Variants in NOTCH2NLB observed in about 807,000 individuals in gnomAD.
NOTCH2NLB encodes notch 2 N-terminal like B.
In NOTCH2NLB, 1 loss-of-function variant was observed where a neutral mutation model predicts 14.8. The observed-to-expected ratio is 0.07, with a 90% confidence interval of 0.02 to 0.32. The LOEUF (loss-of-function observed/expected upper bound fraction) is 0.32. Ranked by LOEUF, NOTCH2NLB falls within the 10% of genes least tolerant of loss-of-function variation. The pLI, the probability that NOTCH2NLB is intolerant of heterozygous loss-of-function variation, is 1.00. For missense variants in NOTCH2NLB, 11 were observed against 155.0 expected, an observed-to-expected ratio of 0.07 and a Z score of 4.93; for synonymous variants, 6 against 57.5, an observed-to-expected ratio of 0.10 and a Z score of 4.05.
intron 1 of NOTCH2NLB, among the ~76,000 whole-genome samples, chr1:148,649,350 C>G (rs1664440764): frequency 1.3e-5 from 1 of 74,568 alleles, no homozygotes; most frequent in Non-Finnish European, 2.7e-5. Flanking sequence ...TATTTGTGTG[C>G]TGCTTAGTGG....
downstream of NOTCH2NLB, among the ~76,000 whole-genome samples, chr1:148,605,452 C>G (rs1663483641): frequency 6.9e-6 from 1 of 144,216 alleles, no homozygotes; most frequent in African/African-American, 2.7e-5. Context: ...ACACACACAC[C>G]ATCAGTGAGT....
chr1:148,645,804 C>T (rs1423941998), intron 1 of NOTCH2NLB, among the ~76,000 whole-genome samples: 1 of 150,868 alleles, frequency 6.6e-6, no homozygotes, highest in Non-Finnish European at 1.5e-5. Flanking sequence ...CTCAATTCAG[C>T]ACTACAGGGT....
chr1:148,659,946 AG>A (rs1664608532), intron 1 of NOTCH2NLB, among the ~76,000 whole-genome samples: 1 of 141,854 alleles, frequency 7.0e-6, no homozygotes, highest in East Asian at 2.0e-4. Flanking sequence ...TCTGGAATGC[AG>A]GCTTACGGTG....
intron 1 of NOTCH2NLB, among the ~76,000 whole-genome samples, chr1:148,669,926 G>A (rs1243860870): frequency 5.6e-5 from 1 of 17,922 alleles, no homozygotes; most frequent in African/African-American, 1.6e-4. Context: ...AGCCGATTAC[G>A]TCACCCACCC....
At chr1:148,645,729 T>C (rs1664353828) in intron 1 of NOTCH2NLB, among the ~76,000 whole-genome samples, 3 of 150,462 alleles carry the variant, frequency 2.0e-5, no homozygotes, top group African/African-American at 7.3e-5. Flanking sequence ...CCCAGAAAGC[T>C]TCCCCTGGAG....
At chr1:148,658,550 C>CTTTTTTTTTTTTTTTTTTTTTTT (rs1194273075) in intron 1 of NOTCH2NLB, among the ~76,000 whole-genome samples, 1 of 38,588 alleles carries the variant, frequency 2.6e-5, no homozygotes, top group African/African-American at 9.8e-5. Context: ...CCCAATACCA[C>CTTTTTTTTTTTTTTTTTTTTTTT]TTTTTTTTTT....
intron 2 of NOTCH2NLB, among the ~76,000 whole-genome samples, chr1:148,633,552 C>CA (rs1304988810): frequency 0.13 from 3,719 of 28,400 alleles, 167 homozygotes; most frequent in East Asian, 0.38. Flanking sequence ...GACTCTGTCT[C>CA]AAAAAAAAAC....
chr1:148,608,906 ACT>A (rs1663596507), intron 3 of NOTCH2NLB, among the ~76,000 whole-genome samples: 2 of 138,878 alleles, frequency 1.4e-5, no homozygotes, highest in Non-Finnish European at 3.1e-5. Context: ...TAGCAGGAAG[ACT>A]CTGACGGGTT....
chr1:148,627,640 C>T (rs2149609297), intron 2 of NOTCH2NLB, among the ~76,000 whole-genome samples: 1 of 151,820 alleles, frequency 6.6e-6, no homozygotes, highest in Admixed American at 6.6e-5. Context: ...AAATGCTTTT[C>T]CCCACCTTCT....
intron 3 of NOTCH2NLB, among the ~76,000 whole-genome samples, chr1:148,612,046 T>TTA (rs1463621002): frequency 6.8e-6 from 1 of 147,596 alleles, no homozygotes; most frequent in Non-Finnish European, 1.5e-5. Context: ...GAATAAACAC[T>TTA]TACTCTGGAT....
intron 1 of NOTCH2NLB, among the ~76,000 whole-genome samples, chr1:148,670,534 A>AT (rs1417813745): frequency 0.25 from 10,664 of 43,146 alleles, 286 homozygotes; most frequent in East Asian, 0.37. Flanking sequence ...TAAACTAAAA[A>AT]AAAAAATATA....
intron 1 of NOTCH2NLB, among the ~76,000 whole-genome samples, chr1:148,651,163 A>T (rs1664500775): frequency 2.7e-5 from 1 of 36,740 alleles, no homozygotes; most frequent in Non-Finnish European, 5.8e-5. Context: ...AAAAAAAAAA[A>T]TATATATATA....
the NOTCH2NLB span, among the ~76,000 whole-genome samples, chr1:148,694,492 CAG>C: frequency 2.1e-5 from 2 of 94,914 alleles, 1 homozygote; most frequent in Non-Finnish European, 4.7e-5. Flanking sequence ...TTGTTTGAGA[CAG>C]AGTCTCCCCC....
chr1:148,634,248 T>C (rs1442446881), intron 2 of NOTCH2NLB, among the ~76,000 whole-genome samples: 12 of 148,464 alleles, frequency 8.1e-5, no homozygotes, highest in East Asian at 2.0e-4. Flanking sequence ...AAAAACTATA[T>C]ACACAATGTT....
At chr1:148,649,541 C>T (rs1198593481) in intron 1 of NOTCH2NLB, among the ~76,000 whole-genome samples, 1 of 126,894 alleles carries the variant, frequency 7.9e-6, no homozygotes, top group Non-Finnish European at 1.6e-5. Flanking sequence ...GATGGAGTCT[C>T]GCTCTGTCAC....
chr1:148,658,785 A>C, intron 1 of NOTCH2NLB, among the ~76,000 whole-genome samples: 1 of 141,300 alleles, frequency 7.1e-6, no homozygotes, highest in South Asian at 2.3e-4. Context: ...TTAGTCTCAA[A>C]CTCCTGGTGT....
At chr1:148,651,144 G>GAAAAAAAAAAA (rs1159790526) in intron 1 of NOTCH2NLB, among the ~76,000 whole-genome samples, 3 of 76,510 alleles carry the variant, frequency 3.9e-5, no homozygotes, top group Non-Finnish European at 4.7e-5. Context: ...CTCTGCCTGA[G>GAAAAAAAAAAA]AAAAAAAAAA....
chr1:148,622,803 T>G lies in NOTCH2NLB; in HGVS notation c.78-6853A>C, dbSNP rs1306834837. ...CACATGAACTACTAGTGTACCCTAT[T>G]TTTCTCATCTTATACTTGTAGCACG... is the stretch of plus-strand genomic sequence containing the variant. On this transcript the variant is annotated intron_variant, in intron 2 of 4. Coordinates refer to ENST00000593495, the Ensembl canonical transcript of NOTCH2NLB. 2.4e-5 allele frequency among the ~76,000 whole-genome samples: 2 copies of G among 84,152 alleles called. 1 individual carries two copies. The highest frequency in any genetic ancestry group is 3.9e-5 in the Non-Finnish European group (2 of 50,650). 55.2% of individuals were successfully genotyped at this position (84,152 alleles called of 152,430 possible).
chr1:148,707,975 C>T, the NOTCH2NLB span, among the ~76,000 whole-genome samples: 7 of 69,844 alleles, frequency 1.0e-4, no homozygotes, highest in African/African-American at 4.4e-4. Context: ...CCCACCTTTT[C>T]TACTGGTGTA....
Sources: allele counts gnomAD v4.1 joint callset (sites outside exome capture counted in the v4.1 genomes callset), GRCh38; gene constraint gnomAD v4.1.1; transcripts MANE v1.5; gene names NCBI Gene and HGNC (gene_info 2026-07-23, HGNC 2026-07-21).